Variants in TULP2 observed in about 807,000 individuals in gnomAD.
TULP2 encodes TUB like protein 2, also known as tubby-related protein 2.
TULP2 carries 64 observed loss-of-function variants against 60.3 expected under a neutral mutation model. That is an observed-to-expected ratio of 1.06 (90% CI 0.87 to 1.31). The LOEUF is 1.31. Among genes scored for constraint, TULP2 ranks in the 50% most tolerant of loss-of-function variants. TULP2 has a pLI of 0.00. For missense variants in TULP2, 652 were observed against 667.0 expected (o/e 0.98, Z 0.25); for synonymous variants, 267 against 265.4 (o/e 1.01, Z -0.06).
intron 1 of TULP2, among the ~76,000 whole-genome samples, chr19:48,898,107 G>A (rs1476931377): frequency 6.6e-6 from 1 of 151,924 alleles, no homozygotes; most frequent in Non-Finnish European, 1.5e-5. Context: ...GAGTAGCTGG[G>A]ACTACAGGCG....
chr19:48,884,544 G>A (rs1430903120), intron 9 of TULP2, among the ~76,000 whole-genome samples: 2 of 152,076 alleles, frequency 1.3e-5, no homozygotes, highest in African/African-American at 4.8e-5. Flanking sequence ...GCCAAGGCGG[G>A]TGGATCATCT....
intron 12 of TULP2, 31 bp downstream of exon 12, chr19:48,882,001 G>A (rs375138031): frequency 2.0e-5 from 32 of 1,613,984 alleles, no homozygotes; most frequent in Middle Eastern, 1.6e-4. Context: ...CACCCCACCT[G>A]GCCCGGCTAA....
At position 48,881,128 on chromosome 19, in the gene TULP2, T is replaced by C. The variant is rs780949328; in HGVS notation, c.1448-2A>G. 6.2e-7 allele frequency: 1 copy of C among 1,610,470 alleles called. No homozygotes were observed. Among genetic ancestry groups the C allele is most frequent in the East Asian group, 2.2e-5 (1 of 44,784 alleles). Reference sequence around the variant, plus strand: ...CGAACTGGAGCACCAGATGTTCTTCTGAGAAGTGAATCAGGAACAAAGCCT... The same window carrying C: ...CGAACTGGAGCACCAGATGTTCTTCCGAGAAGTGAATCAGGAACAAAGCCT... On this transcript the variant is annotated splice_acceptor_variant, in intron 12 of 12. Coordinates refer to ENST00000221399, the MANE Select transcript of TULP2 (RefSeq NM_003323.3). LOFTEE classifies it high-confidence loss of function.
intron 6 of TULP2, among the ~76,000 whole-genome samples, chr19:48,893,529 T>A (rs2037252562): frequency 6.6e-6 from 1 of 152,076 alleles, no homozygotes; most frequent in South Asian, 2.1e-4. Context: ...AAGGGGTGAC[T>A]GCTAATTGAT....
chr19:48,891,214 C>T (rs904265678), intron 6 of TULP2, among the ~76,000 whole-genome samples: 87 of 150,530 alleles, frequency 5.8e-4, no homozygotes, highest in Non-Finnish European at 1.1e-3. Context: ...GTCCCAGCTA[C>T]TTGGGAGGCT....
chr19:48,885,348 C>T (rs1045661590), intron 9 of TULP2, 100 bp downstream of exon 9: 16 of 914,820 alleles, frequency 1.7e-5, no homozygotes, highest in Non-Finnish European at 2.8e-5. Flanking sequence ...GGTCCCTGAG[C>T]AGGTGGAAGG....
chr19:48,885,920 C>T (rs914429580), intron 8 of TULP2, among the ~76,000 whole-genome samples: 12 of 151,968 alleles, frequency 7.9e-5, no homozygotes, highest in African/African-American at 2.9e-4. Context: ...GAAAAATGGA[C>T]TTCTGGAAGC....
At chr19:48,885,050 G>A (rs567789968) in intron 9 of TULP2, among the ~76,000 whole-genome samples, 7 of 150,538 alleles carry the variant, frequency 4.6e-5, no homozygotes, top group Middle Eastern at 3.4e-3. Flanking sequence ...ACAGGTTCAC[G>A]CCACTATGCC....
intron 12 of TULP2, 83 bp downstream of exon 12, chr19:48,881,949 A>T (rs779126719): frequency 4.1e-5 from 65 of 1,582,820 alleles, no homozygotes; most frequent in East Asian, 1.6e-4. Flanking sequence ...CGCTCAAGTG[A>T]TGATGGGAGA....
At chr19:48,891,443 C>A (rs2037232455) in intron 6 of TULP2, among the ~76,000 whole-genome samples, 1 of 152,018 alleles carries the variant, frequency 6.6e-6, no homozygotes, top group South Asian at 2.1e-4. Context: ...TCAGCCTGGC[C>A]AACATAGTGA....
At chr19:48,881,773 C>G (rs2037134757) in intron 12 of TULP2, among the ~76,000 whole-genome samples, 1 of 152,170 alleles carries the variant, frequency 6.6e-6, no homozygotes, top group African/African-American at 2.4e-5. Flanking sequence ...CCACCTCGGT[C>G]TCCCAAAGTG....
At chr19:48,885,375 C>T in intron 9 of TULP2, 73 bp downstream of exon 9, 1 of 1,259,558 alleles carries the variant, frequency 7.9e-7, no homozygotes, top group Admixed American at 1.8e-5. Flanking sequence ...CTGTGGCCTG[C>T]TGGGAAATGG....
rs760568761 is a variant in TULP2, at chr19:48,895,485, A to C, written c.230T>G (p.Leu77Arg). 3.1e-6 allele frequency: 5 copies of C among 1,609,856 alleles called. No individual in the cohort carries two copies. The African/African-American group carries it at 6.7e-5, about 22-fold the overall frequency. The change falls in exon 5 of 13, where the codon CTC (leucine) becomes CGC (arginine). Residue 77 changes from leucine (L) to arginine (R), a missense_variant. By Grantham distance (102) the Leu-to-Arg change is moderately radical. Transcript: ENST00000221399. Reference sequence around the variant, plus strand: ...ATGTGCCTCTGACACTTTCTTCCGGAGGAAAGGGTTCCCAAGGCCTGGGAG... The same window carrying C: ...ATGTGCCTCTGACACTTTCTTCCGGCGGAAAGGGTTCCCAAGGCCTGGGAG... Reference protein sequence around the residue: ...LGDRGLGNPFLRKKVSEAHLP... With the variant: ...LGDRGLGNPFRRKKVSEAHLP...
In TULP2 at chr19:48,883,990, C is replaced by T. The variant is rs778740968; in HGVS notation, c.1118G>A (p.Arg373Gln). 19 of 1,613,934 alleles carry T rather than the reference C, an allele frequency of 1.2e-5. No individual in the cohort carries two copies. The highest frequency in any genetic ancestry group is 5.3e-5 in the African/African-American group (4 of 74,848). ...GGCAGTATTCCTGGTTAAATGCTCC[C>T]GGTCAGGATTCACCCCATTGTCAAA... ...TIFDNGVNPDREHLTRNTARI... is the reference protein window; with the variant it reads ...TIFDNGVNPDQEHLTRNTARI... The change falls in exon 10 of 13, where the codon CGG becomes CAG. Residue 373 changes from arginine to glutamine, a missense_variant. Transcript: ENST00000221399.
chr19:48,892,489 A>C (rs1370125854), intron 6 of TULP2, among the ~76,000 whole-genome samples: 1 of 152,050 alleles, frequency 6.6e-6, no homozygotes, highest in Non-Finnish European at 1.5e-5. Context: ...AGCATCTCAA[A>C]GCAGAACAGT....
chr19:48,886,418 T>A (rs1288208914), intron 8 of TULP2, among the ~76,000 whole-genome samples: 4 of 151,866 alleles, frequency 2.6e-5, no homozygotes, highest in African/African-American at 9.7e-5. Flanking sequence ...TGCCTATGGG[T>A]CCAGAGTTGA....
chr19:48,887,144 T>C (rs1334900373), intron 8 of TULP2, among the ~76,000 whole-genome samples: 1 of 150,828 alleles, frequency 6.6e-6, no homozygotes, highest in African/African-American at 2.4e-5. Context: ...CCTGAGTAGC[T>C]GGGATTACAG....
Position 48,898,581 on chromosome 19 carries a change from T to C in TULP2, c.-2+9A>G, listed in dbSNP as rs1279893913. 1.3e-5 allele frequency: 2 copies of C among 151,694 alleles called. No homozygotes were observed. Among genetic ancestry groups the C allele is most frequent in the Non-Finnish European group, 2.9e-5 (2 of 67,990 alleles). The allele number at this position is 151,694 out of a possible 1,614,324, so 9.4% of individuals were successfully genotyped here. ...GTACCTTGCCTCTCTGGCCAATCTC[T>C]AAACATACCTGATCCTCTCTTTGGA... On this transcript the variant is annotated intron_variant, in intron 1 of 12. Transcript: ENST00000221399.
At position 48,897,877 on chromosome 19, in the gene TULP2, A is replaced by G; in HGVS notation, c.-1-8T>C. The G allele has an allele frequency of 3.1e-6, 5 of 1,612,686 alleles. No individual in the cohort carries two copies. The highest frequency in any genetic ancestry group is 4.2e-6 in the Non-Finnish European group (5 of 1,179,416). On this transcript the variant is annotated splice_polypyrimidine_tract_variant and splice_region_variant and intron_variant, in intron 1 of 12. Transcript: ENST00000221399. This position sits in a 1 kb window ranked among gnomAD's most constrained non-coding sequence, Gnocchi z 4.0. ...TCATTATCCTGAGACATTCTGCAGA[A>G]GCAAGAATGAGGAGTCAGGATCAGA...
Sources: gnomAD v4.1 joint callset for allele counts (sites outside exome capture counted in the v4.1 genomes callset) on GRCh38, gnomAD v4.1.1 for gene constraint, Gnocchi (gnomAD v3.1) non-coding constraint, MANE v1.5 for transcripts, NCBI Gene and HGNC (gene_info 2026-07-23, HGNC 2026-07-21) for gene names.